DIP2B: variants seen among roughly 807,000 people sequenced by gnomAD.
The protein encoded by DIP2B is disco-interacting protein 2 homolog B.
Under a neutral mutation model 198.0 loss-of-function variants are expected in DIP2B, and 76 were observed. The observed-to-expected ratio is 0.38, with a 90% CI of 0.32 to 0.46. DIP2B has a LOEUF of 0.46. DIP2B is among the 20% of genes least tolerant of loss of function. The pLI, the probability that DIP2B is intolerant of heterozygous loss-of-function variation, is 0.99. For missense variants in DIP2B, 1,559 were observed against 1,978.4 expected (o/e 0.79, Z 4.02); for synonymous variants, 701 against 739.1 (o/e 0.95, Z 0.84).
chr12:50,520,035 C>CTTTTTTTTTTTTTTTTTTTTTTT (rs35179881), intron 1 of DIP2B, among the ~76,000 whole-genome samples: 1 of 100,560 alleles, frequency 9.9e-6, no homozygotes, highest in Non-Finnish European at 1.9e-5. Flanking sequence ...ATTGAATCTC[C>CTTTTTTTTTTTTTTTTTTTTTTT]TTTTTTTTTT....
chr12:50,654,857 C>A (rs1593691009), intron 3 of DIP2B, among the ~76,000 whole-genome samples: 1 of 152,130 alleles, frequency 6.6e-6, no homozygotes, highest in Non-Finnish European at 1.5e-5. Flanking sequence ...TGGCAGCAAT[C>A]AAAAAGCTAG....
At chr12:50,730,378 CTCTCTTT>C (rs1351660791) in intron 30 of DIP2B, among the ~76,000 whole-genome samples, 13 of 130,756 alleles carry the variant, frequency 9.9e-5, no homozygotes, top group Non-Finnish European at 1.8e-4. Flanking sequence ...CTTTCTCTCT[CTCTCTTT>C]TTTTTTTTTT....
chr12:50,590,115 C>A (rs1256775203), intron 1 of DIP2B, among the ~76,000 whole-genome samples: 1 of 151,992 alleles, frequency 6.6e-6, no homozygotes, highest in Non-Finnish European at 1.5e-5. Context: ...CCTGCTTCAG[C>A]TTCCTGAGTA....
Position 50,706,575 on chromosome 12 carries a change from T to C in DIP2B, c.2444T>C (p.Leu815Ser). ...TTCGTGGTTGGGAAAATGGATGGCT[T>C]ACTGATGGTTAGTGGTCGAAGACAT... The part of the protein sequence containing the change: ...LVFVVGKMDG[L>S]LMVSGRRHNA... Residue 815 changes from leucine (L) to serine (S), a missense_variant, in exon 21 of 38, where the codon TTA becomes TCA. Transcript: ENST00000301180. The C allele has an allele frequency of 1.2e-6, 2 of 1,614,108 alleles. No individual in the cohort carries two copies. Among genetic ancestry groups the C allele is most frequent in the Admixed American group, 3.3e-5 (2 of 60,024 alleles).
intron 1 of DIP2B, among the ~76,000 whole-genome samples, chr12:50,602,529 T>C (rs1281472865): frequency 6.6e-6 from 1 of 152,206 alleles, no homozygotes; most frequent in East Asian, 1.9e-4. Flanking sequence ...AGTGCTGAGA[T>C]TACAGATGTG....
intron 35 of DIP2B, among the ~76,000 whole-genome samples, chr12:50,737,807 C>T (rs1258929308): frequency 5.9e-5 from 9 of 152,000 alleles, no homozygotes; most frequent in Non-Finnish European, 1.2e-4. Context: ...AGGCTGGTCT[C>T]GAACTCATGA....
At chr12:50,690,485 A>C (rs966268475) in intron 12 of DIP2B, among the ~76,000 whole-genome samples, 39 of 152,318 alleles carry the variant, frequency 2.6e-4, no homozygotes, top group African/African-American at 8.9e-4. Context: ...CAGGAGTTCC[A>C]ATCCAGCCTG....
intron 4 of DIP2B, among the ~76,000 whole-genome samples, chr12:50,667,634 A>G (rs935274390): frequency 5.3e-5 from 8 of 152,192 alleles, no homozygotes; most frequent in Non-Finnish European, 1.0e-4. Context: ...AGTTATTCAT[A>G]GTAAGCACCT....
chr12:50,638,851 A>AGCCCTTATCT (rs1938204339), intron 2 of DIP2B, among the ~76,000 whole-genome samples: 1 of 121,662 alleles, frequency 8.2e-6, no homozygotes, highest in Non-Finnish European at 1.7e-5. Context: ...GCTTGGGACT[A>AGCCCTTATCT]GAAGTGTTTC....
rs114803367 is a variant in DIP2B, at chr12:50,696,201, C to T, written c.1933+234C>T. On this transcript the variant is annotated intron_variant, in intron 16 of 37. Transcript: ENST00000301180. ...CCATTATCAGTCACTCGCCATTTTT[C>T]CTCCTGCCCCAGCCCTAGATGACTG... Among the ~76,000 whole-genome samples, 102 of 152,322 alleles carry T rather than the reference C, an allele frequency of 6.7e-4. 1 individual carries two copies. Among genetic ancestry groups the T allele is most frequent in the African/African-American group, 2.3e-3 (95 of 41,570 alleles).
Position 50,674,626 on chromosome 12 carries a change from G to A in DIP2B, c.793G>A (p.Asp265Asn), listed in dbSNP as rs73093419. Residue 265 changes from aspartate (D) to asparagine (N), a missense_variant, in exon 6 of 38, where the codon GAT becomes AAT. Asp to Asn is a conservative substitution (Grantham distance 23). Coordinates refer to ENST00000301180, the MANE Select transcript of DIP2B (RefSeq NM_173602.3). The part of the protein sequence containing the change: ...SNRSSLMDTA[D>N]GVPVSSRVST... Reference sequence around the variant, plus strand: ...CAGGTCCAGCCTTATGGATACAGCTGATGGTAAGGAGTTGTTTTTGGTAGC... The same window carrying A: ...CAGGTCCAGCCTTATGGATACAGCTAATGGTAAGGAGTTGTTTTTGGTAGC... The A allele has an allele frequency of 9.9e-3, 16,055 of 1,613,996 alleles. 105 individuals carry two copies. Among genetic ancestry groups the A allele is most frequent in the Non-Finnish European group, 0.012 (14,674 of 1,179,922 alleles).
chr12:50,742,001 G>A (rs1940252611), intron 37 of DIP2B, among the ~76,000 whole-genome samples: 1 of 152,160 alleles, frequency 6.6e-6, no homozygotes, highest in Admixed American at 6.5e-5. Flanking sequence ...AAGGGTAGTT[G>A]ATATTATCTC....
intron 4 of DIP2B, among the ~76,000 whole-genome samples, chr12:50,668,481 C>G (rs1938794343): frequency 6.6e-6 from 1 of 152,166 alleles, no homozygotes; most frequent in Admixed American, 6.5e-5. Flanking sequence ...ACACTGAAGA[C>G]TGGCAGACAA....
chr12:50,571,184 T>TTG (rs1283195458), intron 1 of DIP2B, among the ~76,000 whole-genome samples: 2 of 150,480 alleles, frequency 1.3e-5, no homozygotes, highest in African/African-American at 4.9e-5. Flanking sequence ...TTTTTTTTTT[T>TTG]TTTTGGAGAT....
At chr12:50,562,385 T>TA (rs1411795444) in intron 1 of DIP2B, among the ~76,000 whole-genome samples, 1 of 152,126 alleles carries the variant, frequency 6.6e-6, no homozygotes, top group Non-Finnish European at 1.5e-5. Context: ...TTTCCTATCT[T>TA]ATTTCAGCAA....
chr12:50,602,600 C>T (rs1472350483), intron 1 of DIP2B, among the ~76,000 whole-genome samples: 5 of 152,192 alleles, frequency 3.3e-5, no homozygotes, highest in South Asian at 2.1e-4. Flanking sequence ...CGGTGGCTCA[C>T]GCCTAATCCC....
chr12:50,742,067 C>T (rs375726665), intron 37 of DIP2B, among the ~76,000 whole-genome samples: 2 of 152,036 alleles, frequency 1.3e-5, no homozygotes, highest in East Asian at 3.9e-4. Flanking sequence ...GATAAAGGAT[C>T]GTCCAACCAC....
chr12:50,585,096 G>A (rs1958759152), intron 1 of DIP2B, among the ~76,000 whole-genome samples: 1 of 152,132 alleles, frequency 6.6e-6, no homozygotes, highest in Non-Finnish European at 1.5e-5. Flanking sequence ...TCTGTTTCTG[G>A]CTCTCATCCT....
chr12:50,555,480 C>G (rs1958462424), intron 1 of DIP2B, among the ~76,000 whole-genome samples: 1 of 151,954 alleles, frequency 6.6e-6, no homozygotes, highest in Admixed American at 6.6e-5. Flanking sequence ...CTTTTTTGTC[C>G]TTATGGTTAA....
Sources: allele counts gnomAD v4.1 joint callset (sites outside exome capture counted in the v4.1 genomes callset), GRCh38; gene constraint gnomAD v4.1.1; transcripts MANE v1.5; gene names NCBI Gene and HGNC (gene_info 2026-07-23, HGNC 2026-07-21).